Variants in ATAD2B observed in about 807,000 individuals in gnomAD.
ATAD2B encodes ATPase family AAA domain-containing protein 2B.
ATAD2B carries 40 observed loss-of-function variants against 167.6 expected under a neutral mutation model. The observed-to-expected ratio is 0.24, with a 90% CI of 0.19 to 0.31. The LOEUF (loss-of-function observed/expected upper bound fraction) is 0.31, where lower values mean the gene tolerates loss of function less well. Ranked by LOEUF, ATAD2B falls within the 10% of genes least tolerant of loss-of-function variation. The probability of loss-of-function intolerance (pLI) is 1.00; values close to 1 mark genes in which losing one functional copy is unlikely to be tolerated. For missense variants in ATAD2B, 1,242 were observed against 1,757.2 expected (o/e 0.71, Z 5.24); for synonymous variants, 579 against 596.5 (o/e 0.97, Z 0.43).
At chr2:23,720,596 T>G in the ATAD2B span, among the ~76,000 whole-genome samples, 19 of 86,934 alleles carry the variant, frequency 2.2e-4, no homozygotes, top group East Asian at 9.0e-4. Context: ...AAAAAAAAAG[T>G]TAAGAGGGCA....
At chr2:23,710,924 C>T in the ATAD2B span, among the ~76,000 whole-genome samples, 4 of 152,136 alleles carry the variant, frequency 2.6e-5, no homozygotes, top group Admixed American at 6.5e-5. Context: ...GAGGGATGAC[C>T]GTCATAATAA....
chr2:23,886,568 A>C (rs1285964624), intron 4 of ATAD2B, among the ~76,000 whole-genome samples: 3 of 152,198 alleles, frequency 2.0e-5, no homozygotes, highest in Non-Finnish European at 2.9e-5. Flanking sequence ...ATTTGTAAAA[A>C]GTTTAAAGCC....
chr2:23,862,141 G>A (rs934578249), intron 12 of ATAD2B, among the ~76,000 whole-genome samples: 6 of 149,558 alleles, frequency 4.0e-5, no homozygotes, highest in Non-Finnish European at 8.9e-5. Context: ...AGGTTGCAGT[G>A]AACTATAATC....
intron 2 of ATAD2B, among the ~76,000 whole-genome samples, chr2:23,889,420 G>A (rs570004815): frequency 2.0e-5 from 3 of 151,852 alleles, no homozygotes; most frequent in Non-Finnish European, 2.9e-5. Context: ...TGCCCACCTC[G>A]GCCTCCCAAA....
In ATAD2B at chr2:23,842,260, G is replaced by T. The variant is rs555974770; in HGVS notation, c.1569-8182C>A. Among the ~76,000 whole-genome samples, 165 of 152,110 alleles carry T rather than the reference G, an allele frequency of 1.1e-3. 1 individual carries two copies. Among genetic ancestry groups the T allele is most frequent in the African/African-American group, 3.9e-3 (161 of 41,486 alleles). On this transcript the variant is annotated intron_variant, in intron 13 of 27. Transcript: ENST00000238789. The stretch of plus-strand genomic sequence containing the variant: ...TATTTTCCCCCACTAATAATTTAGG[G>T]ATTATACATTACGTTTCTATTTTAC...
chr2:23,843,090 TA>T, intron 13 of ATAD2B, among the ~76,000 whole-genome samples: 1 of 152,298 alleles, frequency 6.6e-6, no homozygotes, highest in South Asian at 2.1e-4. Flanking sequence ...GCAACTATTG[TA>T]ACGAAGCTCA....
intron 1 of ATAD2B, among the ~76,000 whole-genome samples, chr2:23,899,683 T>G (rs1700566460): frequency 6.6e-6 from 1 of 152,100 alleles, no homozygotes; most frequent in African/African-American, 2.4e-5. Flanking sequence ...CTCCGCCTCC[T>G]GGGTTCAAGC....
chr2:23,825,316 G>A (rs973830667), intron 15 of ATAD2B, among the ~76,000 whole-genome samples: 2 of 151,828 alleles, frequency 1.3e-5, no homozygotes, highest in African/African-American at 4.8e-5. Flanking sequence ...TGATTACTAA[G>A]AAAAACCTAT....
intron 7 of ATAD2B, among the ~76,000 whole-genome samples, chr2:23,880,070 A>G (rs1415451420): frequency 6.6e-6 from 1 of 151,924 alleles, no homozygotes; most frequent in Non-Finnish European, 1.5e-5. Flanking sequence ...AAAAAAAAAA[A>G]AAGAGAGAGA....
chr2:23,702,131 T>G, the ATAD2B span, among the ~76,000 whole-genome samples: 1 of 152,148 alleles, frequency 6.6e-6, no homozygotes, highest in African/African-American at 2.4e-5. Flanking sequence ...CCCACATGGC[T>G]CTTTTTAACT....
At chr2:23,859,949 C>CA (rs777997306) in intron 12 of ATAD2B, among the ~76,000 whole-genome samples, 1,191 of 118,864 alleles carry the variant, frequency 0.01, 13 homozygotes, top group African/African-American at 0.031. Flanking sequence ...GACTCAGCCT[C>CA]AAAAAAAAAA....
At chr2:23,689,108 TG>T in the ATAD2B span, 5 of 152,352 alleles carry the variant, frequency 3.3e-5, no homozygotes, top group Non-Finnish European at 7.3e-5. Context: ...CCTCGCCCTC[TG>T]GGGCCTCGCC....
Position 23,762,265 on chromosome 2 carries a change from C to A in ATAD2B, c.3338G>T (p.Arg1113Leu). ...ATCCATTGGATTTCTTTGTTTGTGCCGAAATGCCTCTTCGACTCTAGTTTC... is the reference window on the plus strand; with the variant it reads ...ATCCATTGGATTTCTTTGTTTGTGCAGAAATGCCTCTTCGACTCTAGTTTC... ...KTETRVEEAF[R>L]HKQRNPMDVW... is the part of the protein sequence containing the mutation. Residue 1113 changes from arginine to leucine, a missense_variant, in exon 24 of 28, where the codon CGG (arginine) becomes CTG (leucine). Transcript: ENST00000238789. The A allele has an allele frequency of 6.2e-7, 1 of 1,613,376 alleles. No homozygotes were observed. Among genetic ancestry groups the A allele is most frequent in the Non-Finnish European group, 8.5e-7 (1 of 1,179,698 alleles).
chr2:23,922,277 T>C (rs1704046898), intron 1 of ATAD2B, among the ~76,000 whole-genome samples: 2 of 152,196 alleles, frequency 1.3e-5, no homozygotes, highest in South Asian at 2.1e-4. Context: ...CAGTATTAGA[T>C]TGTTTACTAG....
intron 13 of ATAD2B, among the ~76,000 whole-genome samples, chr2:23,840,446 T>C (rs1400988025): frequency 6.6e-6 from 1 of 152,256 alleles, no homozygotes; most frequent in Non-Finnish European, 1.5e-5. Flanking sequence ...TGATTTCTAC[T>C]ATATCTTTGT....
chr2:23,878,189 C>A (rs1330194707), intron 7 of ATAD2B, among the ~76,000 whole-genome samples: 1 of 151,702 alleles, frequency 6.6e-6, no homozygotes, highest in East Asian at 1.9e-4. Flanking sequence ...GCTGAAACCC[C>A]ATCTCTACTA....
At chr2:23,919,838 T>A (rs1703640813) in intron 1 of ATAD2B, among the ~76,000 whole-genome samples, 2 of 120,834 alleles carry the variant, frequency 1.7e-5, no homozygotes, top group South Asian at 2.7e-4. Flanking sequence ...AGAGGGAAAC[T>A]CTGTTTCAAA....
chr2:23,684,330 C>A, the ATAD2B span: 2 of 1,205,820 alleles, frequency 1.7e-6, no homozygotes, highest in Non-Finnish European at 1.1e-6. The surrounding 1 kb of genome is among the most constrained non-coding windows in gnomAD (Gnocchi z 4.4). Flanking sequence ...AGAAAAAAAA[C>A]TTTTTTTAAT....
chr2:23,909,156 G>C (rs1701903013), intron 1 of ATAD2B, among the ~76,000 whole-genome samples: 1 of 151,088 alleles, frequency 6.6e-6, no homozygotes. Context: ...AAAAAGAAAG[G>C]CTCCTGGTCA....
Sources: allele counts gnomAD v4.1 joint callset (sites outside exome capture counted in the v4.1 genomes callset), GRCh38; gene constraint gnomAD v4.1.1; non-coding constraint Gnocchi (gnomAD v3.1); transcripts MANE v1.5; gene names NCBI Gene and HGNC (gene_info 2026-07-23, HGNC 2026-07-21).